Variants in TPRG1 observed in about 807,000 individuals in gnomAD.
TPRG1 encodes tumor protein p63-regulated gene 1 protein.
A neutral mutation model predicts 29.3 loss-of-function variants in TPRG1; 29 were observed. The ratio of observed to expected loss-of-function variants is 0.99; its 90% confidence interval spans 0.74 to 1.35. The LOEUF is 1.35. Among genes scored for constraint, TPRG1 ranks in the 40% most tolerant of loss-of-function variants. The pLI is 0.00. For synonymous variants in TPRG1, 130 were observed against 116.8 expected, an observed-to-expected ratio of 1.11 and a Z score of -0.73; for missense variants, 327 against 335.0, an observed-to-expected ratio of 0.98 and a Z score of 0.19.
At chr3:189,097,194 TA>T (rs1002483751), upstream of TPRG1, among the ~76,000 whole-genome samples, 13 of 152,270 alleles carry the variant, frequency 8.5e-5, no homozygotes, top group Non-Finnish European at 1.8e-4. Context: ...ACTAATCAAA[TA>T]AAAAAAGTTT....
intron 4 of TPRG1, among the ~76,000 whole-genome samples, chr3:189,088,913 C>G (rs1018521837): frequency 6.6e-6 from 1 of 152,130 alleles, no homozygotes; most frequent in Non-Finnish European, 1.5e-5. Context: ...ACTCCAAGCC[C>G]TAATGCTCTT....
At chr3:189,231,265 C>CATATATATATAT (rs149177739) in intron 3 of TPRG1, among the ~76,000 whole-genome samples, 16,423 of 143,824 alleles carry the variant, frequency 0.11, 1,080 homozygotes, top group Non-Finnish European at 0.15. Flanking sequence ...ACCTATAAAA[C>CATATATATATAT]ATATATATAT....
At position 189,072,806 on chromosome 3, in the gene TPRG1, A is replaced by G. The variant is rs189263008; in HGVS notation, c.-463+48860A>G. On this transcript the variant is annotated intron_variant, in intron 4 of 10. Coordinates refer to the TPRG1 transcript ENST00000433971. ...CCATCCATCCATCATTTATCTGTCT[A>G]TGTAATTTTTATTAGTAGGGACTCA... is the stretch of plus-strand genomic sequence containing the variant. Among the ~76,000 whole-genome samples the G allele has an allele frequency of 3.3e-4, 50 of 152,158 alleles. No individual in the cohort carries two copies. The East Asian group carries it at 6.9e-3, about 21-fold the overall frequency.
chr3:189,020,951 C>G (rs1486848532), intron 3 of TPRG1, among the ~76,000 whole-genome samples: 3 of 137,538 alleles, frequency 2.2e-5, no homozygotes, highest in South Asian at 2.6e-4. Flanking sequence ...ATAGTTAGCT[C>G]TTCTTGTTGA....
intron 5 of TPRG1, among the ~76,000 whole-genome samples, chr3:189,314,543 T>C (rs1461136754): frequency 6.6e-6 from 1 of 152,198 alleles, no homozygotes; most frequent in Non-Finnish European, 1.5e-5. Context: ...GGTGGTCAAA[T>C]GGCCTTTTCC....
At chr3:189,312,523 T>C (rs1372160416) in intron 5 of TPRG1, among the ~76,000 whole-genome samples, 1 of 152,190 alleles carries the variant, frequency 6.6e-6, no homozygotes, top group African/African-American at 2.4e-5. Flanking sequence ...AGTTGGTACA[T>C]CCATCATTTC....
intron 4 of TPRG1, among the ~76,000 whole-genome samples, chr3:189,303,658 C>T (rs986457172): frequency 1.3e-5 from 2 of 152,164 alleles, no homozygotes; most frequent in African/African-American, 4.8e-5. Flanking sequence ...CATTCATTCA[C>T]CTTCATTAAA....
chr3:189,158,814 T>G (rs757028529), intron 5 of TPRG1, among the ~76,000 whole-genome samples: 1 of 152,076 alleles, frequency 6.6e-6, no homozygotes. Flanking sequence ...CACTCCCTCA[T>G]CCGAAGTCTA....
chr3:189,044,534 G>A (rs1714837931), intron 4 of TPRG1, among the ~76,000 whole-genome samples: 1 of 149,016 alleles, frequency 6.7e-6, no homozygotes, highest in African/African-American at 2.5e-5. Flanking sequence ...CAGCCTGGGT[G>A]ATAAGAGCAA....
At chr3:189,163,680 G>A (rs1253685037) in intron 5 of TPRG1, among the ~76,000 whole-genome samples, 1 of 152,168 alleles carries the variant, frequency 6.6e-6, no homozygotes, top group Non-Finnish European at 1.5e-5. Flanking sequence ...AGCTCTCTGT[G>A]CCTTAGTTTC....
At chr3:189,015,641 C>T in intron 3 of TPRG1, among the ~76,000 whole-genome samples, 1 of 152,266 alleles carries the variant, frequency 6.6e-6, no homozygotes, top group African/African-American at 2.4e-5. Flanking sequence ...CTGCTCTTTG[C>T]AGCCTTGAGA....
intron 4 of TPRG1, among the ~76,000 whole-genome samples, chr3:189,035,770 A>G (rs1054418573): frequency 2.1e-4 from 11 of 52,648 alleles, no homozygotes; most frequent in African/African-American, 2.6e-4. Context: ...TCAAAAAATA[A>G]CAGATGTTGG....
chr3:189,182,354 A>T (rs1329871963), intron 1 of TPRG1, among the ~76,000 whole-genome samples: 2 of 152,262 alleles, frequency 1.3e-5, no homozygotes, highest in Non-Finnish European at 2.9e-5. Flanking sequence ...GTCTGCTTAT[A>T]CATGCATACC....
chr3:189,183,810 A>AAC (rs1159800388), intron 1 of TPRG1, among the ~76,000 whole-genome samples: 1 of 151,714 alleles, frequency 6.6e-6, no homozygotes, highest in African/African-American at 2.4e-5. Flanking sequence ...ATATTGTTTA[A>AAC]ACACACATGC....
At chr3:189,219,511 C>T in intron 3 of TPRG1, 1 of 984,486 alleles carries the variant, frequency 1.0e-6, no homozygotes, top group South Asian at 1.7e-5. Context: ...TTCTTATTGG[C>T]CCTTCTGAAA....
chr3:189,270,571 T>G (rs554770352), intron 4 of TPRG1, among the ~76,000 whole-genome samples: 2 of 152,280 alleles, frequency 1.3e-5, no homozygotes, highest in South Asian at 4.1e-4. Flanking sequence ...AGGGCTAGGG[T>G]TGGCAGGCAG....
At chr3:189,289,430 T>A (rs902250186) in intron 4 of TPRG1, among the ~76,000 whole-genome samples, 2 of 151,276 alleles carry the variant, frequency 1.3e-5, no homozygotes, top group Admixed American at 6.6e-5. Flanking sequence ...CTTGCTTCAA[T>A]GATTTTGATG....
intron 5 of TPRG1, among the ~76,000 whole-genome samples, chr3:189,155,183 A>G (rs1333071356): frequency 1.3e-5 from 2 of 152,148 alleles, no homozygotes; most frequent in African/African-American, 4.8e-5. Flanking sequence ...GGGGCCTTGG[A>G]GCCCATAAAA....
At chr3:189,147,433 G>A (rs768108202) in intron 3 of TPRG1, among the ~76,000 whole-genome samples, 1 of 152,206 alleles carries the variant, frequency 6.6e-6, no homozygotes, top group Admixed American at 6.5e-5. Flanking sequence ...ACCAGCAGAC[G>A]CAACACTTGG....
Sources: allele counts gnomAD v4.1 joint callset (sites outside exome capture counted in the v4.1 genomes callset), GRCh38; gene constraint gnomAD v4.1.1; transcripts MANE v1.5; gene names NCBI Gene and HGNC (gene_info 2026-07-23, HGNC 2026-07-21).